ZSWIM9: variants seen among roughly 807,000 people sequenced by gnomAD.
ZSWIM9 encodes zinc finger SWIM-type containing 9.
Under a neutral mutation model 25.0 loss-of-function variants are expected in ZSWIM9, and 11 were observed. That is an observed-to-expected ratio of 0.44 (90% confidence interval 0.28 to 0.73). The LOEUF is 0.73. Ranked by LOEUF, ZSWIM9 falls within the 30% of genes least tolerant of loss-of-function variation. ZSWIM9 has a pLI of 0.16. For synonymous variants in ZSWIM9, 562 were observed against 582.1 expected (o/e 0.97, Z 0.50); for missense variants, 1,070 against 1,296.5 (o/e 0.83, Z 2.68).
chr19:48,197,450 A>C lies in ZSWIM9; in HGVS notation c.*623A>C. On this transcript the variant is annotated 3_prime_UTR_variant, in exon 4 of 4. Coordinates refer to ENST00000614654, the MANE Select transcript of ZSWIM9 (RefSeq NM_199341.4). ...TGTGTGGGAGACGGGTAGAGACGAA[A>C]TGCAAGGGGCGTGGTTTTGGTTTTT... 1.7e-6 allele frequency: 1 copy of C among 591,592 alleles called. No individual in the cohort carries two copies. Among genetic ancestry groups the C allele is most frequent in the East Asian group, 2.9e-5 (1 of 34,934 alleles). The allele number at this position is 591,592 out of a possible 1,614,324, so 36.6% of individuals were successfully genotyped here. A position where few individuals can be genotyped will look rare whatever the true frequency, so the allele number is the denominator to read the frequency against.
In ZSWIM9 at chr19:48,197,397, A is replaced by C; in HGVS notation, c.*570A>C. The C allele has an allele frequency of 3.1e-6, 2 of 637,286 alleles. No homozygotes were observed. Among genetic ancestry groups the C allele is most frequent in the East Asian group, 5.5e-5 (2 of 36,414 alleles). The allele number at this position is 637,286 out of a possible 1,614,324, so 39.5% of individuals were successfully genotyped here. A position where few individuals can be genotyped will look rare whatever the true frequency, so the allele number is the denominator to read the frequency against. On this transcript the variant is annotated 3_prime_UTR_variant, in exon 4 of 4. Coordinates refer to ENST00000614654, the MANE Select transcript of ZSWIM9 (RefSeq NM_199341.4). ...GAAGGGACGGGATGTAGGAGGGGGAAGAAAAATCGGAGATGAGACAAAAGA... is the reference window on the plus strand; with the variant it reads ...GAAGGGACGGGATGTAGGAGGGGGACGAAAAATCGGAGATGAGACAAAAGA...
chr19:48,170,820 G>A (rs1484028887), intron 1 of ZSWIM9, 106 bp downstream of exon 1: 2 of 163,322 alleles, frequency 1.2e-5, no homozygotes, highest in African/African-American at 5.0e-5. Flanking sequence ...GAGGGGGGGA[G>A]TAGGAGGGTC....
intron 2 of ZSWIM9, among the ~76,000 whole-genome samples, chr19:48,178,583 T>TTCC (rs1555786434): frequency 6.7e-6 from 1 of 150,242 alleles, no homozygotes; most frequent in East Asian, 2.0e-4. Flanking sequence ...TACTTTTTTT[T>TTCC]TTCTTCTTCT....
Position 48,192,498 on chromosome 19 carries a change from T to TATACACACAC in ZSWIM9, c.589-2154_589-2153insTACACACACA, listed in dbSNP as rs369454865. On this transcript the variant is annotated intron_variant, in intron 3 of 3. Coordinates refer to ENST00000614654, the MANE Select transcript of ZSWIM9 (RefSeq NM_199341.4). ...AAAAAAAAATATATATATATATATA[T>TATACACACAC]ACACACACACACACACACACATTTA... is the stretch of plus-strand genomic sequence containing the variant. Among the ~76,000 whole-genome samples the TATACACACAC allele has an allele frequency of 2.9e-4, 6 of 20,762 alleles. 1 individual carries two copies. The highest frequency in any genetic ancestry group is 2.9e-3 in the South Asian group (1 of 346). 13.6% of individuals were successfully genotyped at this position (20,762 alleles called of 152,430 possible).
chr19:48,183,112 A>C (rs1406010297), intron 3 of ZSWIM9: 3 of 181,088 alleles, frequency 1.7e-5, no homozygotes, highest in African/African-American at 7.1e-5. Context: ...TTAATTAATT[A>C]ATTAATTTTT....
Position 48,194,584 on chromosome 19 carries a change from C to A in ZSWIM9, c.589-69C>A. 4 of 1,336,610 alleles carry A rather than the reference C, an allele frequency of 3.0e-6. No homozygotes were observed. The highest frequency in any genetic ancestry group is 1.9e-5 in the South Asian group (1 of 53,998). The allele number at this position is 1,336,610 out of a possible 1,614,324, so 82.8% of individuals were successfully genotyped here. On this transcript the variant is annotated intron_variant, in intron 3 of 3. Coordinates refer to ENST00000614654, the MANE Select transcript of ZSWIM9 (RefSeq NM_199341.4). The surrounding 1 kb of genome is among the most constrained non-coding windows in gnomAD (Gnocchi z 6.0). Reference sequence around the variant, plus strand: ...TTTCCGTAGAAGGGGAAACCGAGGTCGGGGAGCTGGGCGGGGAGACCCCAG... The same window carrying A: ...TTTCCGTAGAAGGGGAAACCGAGGTAGGGGAGCTGGGCGGGGAGACCCCAG...
intron 2 of ZSWIM9, among the ~76,000 whole-genome samples, chr19:48,178,866 G>A (rs947822327): frequency 2.6e-5 from 4 of 152,024 alleles, no homozygotes; most frequent in Admixed American, 6.6e-5. Context: ...CAGCCACCAC[G>A]CCCAGCCTGT....
At chr19:48,184,834 G>A (rs2036991895) in intron 3 of ZSWIM9, among the ~76,000 whole-genome samples, 1 of 152,042 alleles carries the variant, frequency 6.6e-6, no homozygotes, top group African/African-American at 2.4e-5. Flanking sequence ...GCTGGGCTTC[G>A]GACCCACACA....
In ZSWIM9 at chr19:48,176,020, A is replaced by T. The variant is rs185633477; in HGVS notation, c.275+3943A>T. Among the ~76,000 whole-genome samples, 39 of 152,328 alleles carry T rather than the reference A, an allele frequency of 2.6e-4. No individual in the cohort carries two copies. The East Asian group carries it at 7.1e-3, about 28-fold the overall frequency. On this transcript the variant is annotated intron_variant, in intron 2 of 3. Coordinates refer to ENST00000614654, the MANE Select transcript of ZSWIM9 (RefSeq NM_199341.4). Reference sequence around the variant, plus strand: ...CAGGAGTTTGAGACCAGCCTGGCCAACAGGGTGAAACCCTGTCTGTACTAA... The same window carrying T: ...CAGGAGTTTGAGACCAGCCTGGCCATCAGGGTGAAACCCTGTCTGTACTAA...
Position 48,194,856 on chromosome 19 carries a change from C to A in ZSWIM9, c.792C>A (p.Arg264=). ...RARQAACCVA[R]PGTPSLLRFA... ...GCCAGGCTGCCTGCTGCGTGGCGCG[C>A]CCGGGCACACCGAGCCTGCTGCGCT... The change falls in exon 4 of 4, where the codon CGC becomes CGA. Residue 264 remains arginine, a synonymous_variant. Coordinates refer to ENST00000614654, the MANE Select transcript of ZSWIM9 (RefSeq NM_199341.4). The surrounding 1 kb of genome is among the most constrained non-coding windows in gnomAD (Gnocchi z 6.0). 7.3e-7 allele frequency: 1 copy of A among 1,361,666 alleles called. No homozygotes were observed. Among genetic ancestry groups the A allele is most frequent in the Non-Finnish European group, 9.4e-7 (1 of 1,065,392 alleles). The allele number at this position is 1,361,666 out of a possible 1,614,324, so 84.3% of individuals were successfully genotyped here. A position where few individuals can be genotyped will look rare whatever the true frequency, so the allele number is the denominator to read the frequency against.
In ZSWIM9 at chr19:48,196,887, C is replaced by G; in HGVS notation, c.*60C>G. The G allele has an allele frequency of 1.6e-6, 2 of 1,245,946 alleles. No individual in the cohort carries two copies. The highest frequency in any genetic ancestry group is 2.0e-6 in the Non-Finnish European group (2 of 995,342). The allele number at this position is 1,245,946 out of a possible 1,614,324, so 77.2% of individuals were successfully genotyped here. On this transcript the variant is annotated 3_prime_UTR_variant, in exon 4 of 4. Coordinates refer to ENST00000614654, the MANE Select transcript of ZSWIM9 (RefSeq NM_199341.4). ...AGGGTCGGAGGGCATTCTTCGATCC[C>G]AAAGATAATAGGGCTGAGGCCAAGG...
chr19:48,178,680 G>A (rs919466532), intron 2 of ZSWIM9, among the ~76,000 whole-genome samples: 3 of 151,964 alleles, frequency 2.0e-5, no homozygotes, highest in Admixed American at 6.6e-5. Flanking sequence ...GGGTTCAAGC[G>A]ATCTCCTGCC....
intron 3 of ZSWIM9, among the ~76,000 whole-genome samples, chr19:48,193,949 C>CA (rs577837846): frequency 4.7e-4 from 71 of 152,320 alleles, no homozygotes; most frequent in African/African-American, 1.6e-3. Flanking sequence ...CTATGCTTTT[C>CA]ACCACTGTCC....
At position 48,182,910 on chromosome 19, in the gene ZSWIM9, T is replaced by G; in HGVS notation, c.588+143T>G. Reference sequence around the variant, plus strand: ...TCCGTTCATTCATTCAATAAGTACTTACCGAGGCATTGGGGATGCAGCAGC... The same window carrying G: ...TCCGTTCATTCATTCAATAAGTACTGACCGAGGCATTGGGGATGCAGCAGC... On this transcript the variant is annotated intron_variant, in intron 3 of 3. Coordinates refer to ENST00000614654, the MANE Select transcript of ZSWIM9 (RefSeq NM_199341.4). The surrounding 1 kb of genome is among the most constrained non-coding windows in gnomAD (Gnocchi z 4.6). The G allele has an allele frequency of 1.5e-4, 100 of 647,186 alleles. No homozygotes were observed. Among genetic ancestry groups the G allele is most frequent in the Non-Finnish European group, 2.2e-4 (84 of 383,472 alleles). 40.1% of individuals were successfully genotyped at this position (647,186 alleles called of 1,614,324 possible). A position where few individuals can be genotyped will look rare whatever the true frequency, so the allele number is the denominator to read the frequency against.
At chr19:48,175,389 C>T (rs1043147637) in intron 2 of ZSWIM9, among the ~76,000 whole-genome samples, 11 of 152,182 alleles carry the variant, frequency 7.2e-5, no homozygotes, top group Non-Finnish European at 1.3e-4. Flanking sequence ...CTCACTCTCT[C>T]GAGCTGCTCA....
At chr19:48,171,266 G>A in intron 1 of ZSWIM9, 5 of 985,420 alleles carry the variant, frequency 5.1e-6, no homozygotes, top group Non-Finnish European at 6.0e-6. Flanking sequence ...CATGTGACCG[G>A]GTGAGGGGTC....
At chr19:48,177,413 C>T (rs189152406) in intron 2 of ZSWIM9, among the ~76,000 whole-genome samples, 55 of 152,236 alleles carry the variant, frequency 3.6e-4, no homozygotes, top group East Asian at 1.7e-3. Flanking sequence ...TACCTCCAGA[C>T]GCCAGGTACT....
intron 3 of ZSWIM9, among the ~76,000 whole-genome samples, chr19:48,187,944 A>G (rs1225974096): frequency 8.2e-6 from 1 of 121,518 alleles, no homozygotes; most frequent in South Asian, 2.4e-4. Flanking sequence ...CTTTAAATAG[A>G]TAGATAGATA....
chr19:48,197,148 G>T lies in ZSWIM9; in HGVS notation c.*321G>T. ...CAGAAGGAAGGAAAGGGGCAGAGCT[G>T]GGGGGAGGGGGAGGAAGCGATCATA... On this transcript the variant is annotated 3_prime_UTR_variant, in exon 4 of 4. Coordinates refer to ENST00000614654, the MANE Select transcript of ZSWIM9 (RefSeq NM_199341.4). 2 of 691,516 alleles carry T rather than the reference G, an allele frequency of 2.9e-6. No homozygotes were observed. The highest frequency in any genetic ancestry group is 2.0e-5 in the Admixed American group (1 of 48,870). The allele number at this position is 691,516 out of a possible 1,614,324, so 42.8% of individuals were successfully genotyped here.
Sources: allele counts gnomAD v4.1 joint callset (sites outside exome capture counted in the v4.1 genomes callset), GRCh38; gene constraint gnomAD v4.1.1; non-coding constraint Gnocchi (gnomAD v3.1); transcripts MANE v1.5; gene names NCBI Gene and HGNC (gene_info 2026-07-23, HGNC 2026-07-21).